The following APBA1 variants were observed in gnomAD, a reference collection of about 807,000 sequenced individuals.
APBA1 encodes amyloid beta precursor protein binding family A member 1.
Under a neutral mutation model 86.6 loss-of-function variants are expected in APBA1, and 55 were observed. The observed-to-expected ratio is 0.64, with a 90% CI of 0.51 to 0.80. APBA1 has a LOEUF of 0.80. Among genes scored for constraint, APBA1 ranks in the 30% least tolerant of loss-of-function variants. The pLI is 0.00. For synonymous variants in APBA1, 511 were observed against 493.9 expected, an observed-to-expected ratio of 1.03 and a Z score of -0.46; for missense variants, 1,090 against 1,183.0, an observed-to-expected ratio of 0.92 and a Z score of 1.15.
chr9:69,557,509 C>T (rs1836881125), intron 1 of APBA1, among the ~76,000 whole-genome samples: 1 of 152,224 alleles, frequency 6.6e-6, no homozygotes, highest in African/African-American at 2.4e-5. Context: ...CCGCTCCCTC[C>T]TGCTGCCCTG....
intron 1 of APBA1, among the ~76,000 whole-genome samples, chr9:69,648,009 G>A (rs1161920176): frequency 1.3e-5 from 2 of 152,244 alleles, no homozygotes; most frequent in Non-Finnish European, 2.9e-5. Flanking sequence ...GTTGGGCCAT[G>A]CTGCAGCCGC....
chr9:69,476,481 A>AT (rs901329546), intron 2 of APBA1, among the ~76,000 whole-genome samples: 3 of 152,132 alleles, frequency 2.0e-5, no homozygotes, highest in African/African-American at 7.2e-5. Context: ...TGTTTAAAAC[A>AT]TTTTTTTCTT....
intron 1 of APBA1, among the ~76,000 whole-genome samples, chr9:69,602,101 T>G (rs1421953623): frequency 1.3e-5 from 2 of 152,354 alleles, no homozygotes; most frequent in African/African-American, 2.4e-5. Context: ...TATAATTTAT[T>G]AATCCCTTCT....
In APBA1 at chr9:69,516,900, T is replaced by G; in HGVS notation, c.311A>C (p.Tyr104Ser). ...GDVIAAARDG[Y>S]DAERAQDPED... The stretch of plus-strand genomic sequence containing the variant: ...GGGGTCCTGCGCGCGCTCCGCATCG[T>G]AGCCGTCGCGGGCCGCGGCGATCAC... Residue 104 changes from tyrosine (Y) to serine (S), a missense_variant, in exon 2 of 13, where the codon TAC (tyrosine) becomes TCC (serine). Tyr to Ser is a moderately radical substitution (Grantham distance 144, BLOSUM62 -2). This residue lies in a region of APBA1 where 678 missense variants were observed against 647.1 expected (regional missense o/e 1.05). Coordinates refer to ENST00000265381, the MANE Select transcript of APBA1 (RefSeq NM_001163.4). This position sits in a 1 kb window ranked among gnomAD's most constrained non-coding sequence, Gnocchi z 7.3. 3 of 1,594,412 alleles carry G rather than the reference T, an allele frequency of 1.9e-6. No individual in the cohort carries two copies. The highest frequency in any genetic ancestry group is 2.5e-6 in the Non-Finnish European group (3 of 1,176,926).
At chr9:69,452,006 G>T in intron 9 of APBA1, 116 bp downstream of exon 9, 1 of 972,180 alleles carries the variant, frequency 1.0e-6, no homozygotes, top group Non-Finnish European at 1.6e-6. Context: ...ATGATGTCCT[G>T]CCAATACGGC....
chr9:69,561,261 T>C (rs1367394724), intron 1 of APBA1, among the ~76,000 whole-genome samples: 1 of 152,192 alleles, frequency 6.6e-6, no homozygotes, highest in African/African-American at 2.4e-5. Flanking sequence ...AAAGATGAAC[T>C]AAATAGTGTG....
At chr9:69,511,496 A>C (rs1005329320) in intron 2 of APBA1, among the ~76,000 whole-genome samples, 18 of 152,088 alleles carry the variant, frequency 1.2e-4, no homozygotes, top group South Asian at 4.1e-4. Context: ...TAGTTCAACC[A>C]TTGTGGAAGT....
intron 1 of APBA1, among the ~76,000 whole-genome samples, chr9:69,549,606 G>T (rs993646444): frequency 6.6e-6 from 1 of 152,174 alleles, no homozygotes; most frequent in African/African-American, 2.4e-5. Context: ...TGGCCTGTAG[G>T]TGACCTCTCG....
chr9:69,449,906 G>T (rs769290005), intron 9 of APBA1, 110 bp from the exon 10 acceptor site: 5 of 918,592 alleles, frequency 5.4e-6, no homozygotes, highest in African/African-American at 3.3e-5. Flanking sequence ...CACTTCCCTG[G>T]GGACACCAAC....
rs148622561 is a variant in APBA1, at chr9:69,656,171, T to A, written c.-70+15982A>T. On this transcript the variant is annotated intron_variant, in intron 1 of 12. Coordinates refer to ENST00000265381, the MANE Select transcript of APBA1 (RefSeq NM_001163.4). ...AACTACGATTCTCATAAACTGCTGT[T>A]GGGAGTATAAATTGGACAAAGTAGT... Among the ~76,000 whole-genome samples, 542 of 152,322 alleles carry A rather than the reference T, an allele frequency of 3.6e-3. 6 individuals are homozygous for A. The highest frequency in any genetic ancestry group is 0.012 in the African/African-American group (519 of 41,570).
At chr9:69,431,535 C>G in intron 12 of APBA1, 137 bp from the exon 13 acceptor site, 1 of 690,556 alleles carries the variant, frequency 1.4e-6, no homozygotes, top group South Asian at 2.0e-5. Flanking sequence ...CAGCCACCAC[C>G]AGGGACCTGA....
chr9:69,532,060 T>C (rs1406102818), intron 1 of APBA1, among the ~76,000 whole-genome samples: 1 of 151,552 alleles, frequency 6.6e-6, no homozygotes, highest in Non-Finnish European at 1.5e-5. Flanking sequence ...GAGTGAACCC[T>C]AATGTAAACT....
intron 1 of APBA1, among the ~76,000 whole-genome samples, chr9:69,654,810 G>A (rs80191958): frequency 0.01 from 1,532 of 152,140 alleles, 26 homozygotes; most frequent in African/African-American, 0.034. Context: ...ATCTTCAACC[G>A]AACACTAGTA....
At chr9:69,534,573 G>C (rs1471372408) in intron 1 of APBA1, among the ~76,000 whole-genome samples, 1 of 152,136 alleles carries the variant, frequency 6.6e-6, no homozygotes, top group African/African-American at 2.4e-5. Context: ...CCACTGTTAG[G>C]AAGTTAAGTT....
chr9:69,475,986 C>A, intron 3 of APBA1, 62 bp downstream of exon 3: 2 of 1,352,452 alleles, frequency 1.5e-6, no homozygotes, highest in Non-Finnish European at 2.1e-6. Flanking sequence ...TTAGGAAGCA[C>A]AGAACAGTAT....
At chr9:69,577,572 A>T (rs1270202570) in intron 1 of APBA1, among the ~76,000 whole-genome samples, 3 of 152,200 alleles carry the variant, frequency 2.0e-5, no homozygotes, top group Non-Finnish European at 4.4e-5. Context: ...AAGGCAAGTA[A>T]AGAGTTGTGG....
chr9:69,595,959 TATTG>T (rs1380071289), intron 1 of APBA1, among the ~76,000 whole-genome samples: 1 of 152,152 alleles, frequency 6.6e-6, no homozygotes, highest in African/African-American at 2.4e-5. Flanking sequence ...GCAACTTCTT[TATTG>T]ATTGATTGTT....
At chr9:69,470,299 A>C (rs1322264043) in intron 4 of APBA1, among the ~76,000 whole-genome samples, 1 of 152,204 alleles carries the variant, frequency 6.6e-6, no homozygotes, top group African/African-American at 2.4e-5. Context: ...ATCCTATGTC[A>C]GAGAATTGCA....
At chr9:69,461,819 C>T (rs973668438) in intron 5 of APBA1, 1 of 152,164 alleles carries the variant, frequency 6.6e-6, no homozygotes, top group African/African-American at 2.4e-5. Flanking sequence ...GGGTTAACAA[C>T]ACCTACCTCA....
Sources: allele counts gnomAD v4.1 joint callset (sites outside exome capture counted in the v4.1 genomes callset), GRCh38; gene constraint gnomAD v4.1.1; regional missense constraint gnomAD v4.1.1; non-coding constraint Gnocchi (gnomAD v3.1); transcripts MANE v1.5; gene names NCBI Gene and HGNC (gene_info 2026-07-23, HGNC 2026-07-21).